UBR1: variants seen among roughly 807,000 people sequenced by gnomAD.
UBR1 encodes the protein ubiquitin protein ligase E3 component n-recognin 1, also known as E3 ubiquitin-protein ligase UBR1.
A neutral mutation model predicts 242.1 loss-of-function variants in UBR1; 102 were observed. That is an observed-to-expected ratio of 0.42 (90% CI 0.36 to 0.50). The LOEUF (loss-of-function observed/expected upper bound fraction) is 0.50, where lower values mean the gene tolerates loss of function less well. Among genes scored for constraint, UBR1 ranks in the 20% least tolerant of loss-of-function variants. The pLI is 0.01. For missense variants in UBR1, 1,772 were observed against 2,101.8 expected (o/e 0.84, Z 3.07); for synonymous variants, 675 against 684.8 (o/e 0.99, Z 0.22).
chr15:42,977,914 G>A lies in UBR1; in HGVS notation c.4184C>T (p.Pro1395Leu). 6.2e-7 allele frequency: 1 copy of A among 1,613,112 alleles called. No homozygotes were observed. Among genetic ancestry groups the A allele is most frequent in the Non-Finnish European group, 8.5e-7 (1 of 1,179,446 alleles). The change falls in exon 38 of 47, where the codon CCA (proline) becomes CTA (leucine). Residue 1395 changes from proline to leucine, a missense_variant. Pro to Leu is a moderately conservative substitution (Grantham distance 98). Coordinates refer to ENST00000290650, the MANE Select transcript of UBR1 (RefSeq NM_174916.3). ...AAACAGATCTATAGACAGAAGGCAT[G>A]GTGTATCTTCTGATTTTATGTTAGG... Reference protein sequence around the residue: ...VLPNIKSEDTPCLLSIDLFHV... With the variant: ...VLPNIKSEDTLCLLSIDLFHV...
rs901349263 is a variant in UBR1, at chr15:42,956,732, C to G, written c.4835+1281G>C. Among the ~76,000 whole-genome samples the G allele has an allele frequency of 3.5e-4, 54 of 152,216 alleles. 1 individual carries two copies. Among genetic ancestry groups the G allele is most frequent in the African/African-American group, 1.3e-3 (53 of 41,448 alleles). ...CATTTTGTGTAGTGGCTAGCATCCT[C>G]TATTCCCCAATGTCATGGCAGGTAG... On this transcript the variant is annotated intron_variant, in intron 44 of 46. Coordinates refer to ENST00000290650, the MANE Select transcript of UBR1 (RefSeq NM_174916.3).
intron 33 of UBR1, among the ~76,000 whole-genome samples, chr15:42,995,487 G>A (rs1171660070): frequency 2.0e-5 from 3 of 147,710 alleles, no homozygotes; most frequent in East Asian, 4.0e-4. Flanking sequence ...GTGAAACCCC[G>A]TCTCTACTAA....
chr15:42,987,191 A>T (rs1330591499), intron 35 of UBR1, among the ~76,000 whole-genome samples: 2 of 152,324 alleles, frequency 1.3e-5, no homozygotes, highest in Middle Eastern at 3.4e-3. Flanking sequence ...GGATCCCGGC[A>T]GGGGCAGAGC....
intron 16 of UBR1, 60 bp from the exon 17 acceptor site, chr15:43,037,943 T>C: frequency 6.8e-7 from 1 of 1,471,700 alleles, no homozygotes; most frequent in Non-Finnish European, 9.4e-7. Flanking sequence ...GTCTCCAAGT[T>C]ATGCCACTAC....
At chr15:42,957,967 GA>G in intron 44 of UBR1, 45 bp downstream of exon 44, 1 of 1,522,510 alleles carries the variant, frequency 6.6e-7, no homozygotes, top group Non-Finnish European at 9.1e-7. Context: ...TGCGAGTTCA[GA>G]AAATGATTTA....
Position 43,059,600 on chromosome 15 carries a change from AAAAAG to A in UBR1, c.985+97_985+101del, listed in dbSNP as rs1418668557. 1.4e-3 allele frequency: 1,964 copies of A among 1,408,322 alleles called. 25 individuals carry two copies. Among genetic ancestry groups the A allele is most frequent in the South Asian group, 3.9e-3 (281 of 72,058 alleles). 87.2% of individuals were successfully genotyped at this position (1,408,322 alleles called of 1,614,324 possible). A position where few individuals can be genotyped will look rare whatever the true frequency, so the allele number is the denominator to read the frequency against. ...AAAGTGTATAAACCAAAAAAAAAAAAAAAAGAAAAACTTTATTTCATACTCAATGA... is the reference window on the plus strand; with the variant it reads ...AAAGTGTATAAACCAAAAAAAAAAAAAAAAACTTTATTTCATACTCAATGA... On this transcript the variant is annotated intron_variant, in intron 8 of 46. Transcript: ENST00000290650.
At chr15:42,953,209 G>A (rs1357399815) in intron 44 of UBR1, among the ~76,000 whole-genome samples, 3 of 152,130 alleles carry the variant, frequency 2.0e-5, no homozygotes, top group East Asian at 1.9e-4. Context: ...TGCTGGAGGC[G>A]TGCTATAATG....
At chr15:42,952,992 C>T (rs529803902) in intron 44 of UBR1, among the ~76,000 whole-genome samples, 29 of 151,846 alleles carry the variant, frequency 1.9e-4, no homozygotes, top group African/African-American at 5.6e-4. Flanking sequence ...GGCATGATCT[C>T]GGCTCACTGC....
At chr15:43,043,504 T>A in intron 14 of UBR1, 109 bp from the exon 15 acceptor site, 1 of 1,003,956 alleles carries the variant, frequency 1.0e-6, no homozygotes, top group Non-Finnish European at 1.5e-6. Context: ...TACAGTGGCA[T>A]AATCACAGCT....
rs774062223 is a variant in UBR1 at position 43,007,237 on chromosome 15, C to T, written c.3257G>A (p.Arg1086Gln). 17 of 1,613,948 alleles carry T rather than the reference C, an allele frequency of 1.1e-5. No individual in the cohort carries two copies. The highest frequency in any genetic ancestry group is 3.3e-5 in the South Asian group (3 of 91,082). The change falls in exon 30 of 47, where the codon CGG (arginine) becomes CAG (glutamine). Residue 1086 changes from arginine (R) to glutamine (Q), a missense_variant. Transcript: ENST00000290650. ...DYSRIALGPK[R>Q]GPSVTEKEVL... ...CTCCTTTTCAGTAACAGATGGACCC[C>T]GTTTAGGACCCAAAGCAATTCTAGA...
chr15:42,971,768 C>T (rs1352839978), intron 39 of UBR1, among the ~76,000 whole-genome samples: 2 of 152,104 alleles, frequency 1.3e-5, no homozygotes, highest in Non-Finnish European at 2.9e-5. Context: ...ATTTTACATG[C>T]AATTAAGTGC....
chr15:43,097,144 A>C (rs2034171488), intron 1 of UBR1, among the ~76,000 whole-genome samples: 1 of 152,226 alleles, frequency 6.6e-6, no homozygotes, highest in African/African-American at 2.4e-5. Context: ...AGCAGGCATG[A>C]AAATAACATT....
At chr15:43,009,879 T>A (rs2032892050) in intron 29 of UBR1, among the ~76,000 whole-genome samples, 1 of 152,202 alleles carries the variant, frequency 6.6e-6, no homozygotes, top group African/African-American at 2.4e-5. Flanking sequence ...CTTTTTTGTT[T>A]TATTTTGTTT....
intron 12 of UBR1, among the ~76,000 whole-genome samples, chr15:43,051,396 G>C (rs1334109002): frequency 6.6e-6 from 1 of 152,142 alleles, no homozygotes; most frequent in East Asian, 1.9e-4. Flanking sequence ...ACATAGAGGG[G>C]AACAACACAC....
chr15:42,947,630 T>C (rs1292569690), intron 46 of UBR1, among the ~76,000 whole-genome samples: 16 of 152,300 alleles, frequency 1.1e-4, no homozygotes, highest in East Asian at 1.9e-4. Flanking sequence ...AGCATTCTTA[T>C]ACACCAATAA....
intron 45 of UBR1, among the ~76,000 whole-genome samples, chr15:42,950,747 T>C (rs1171039091): frequency 1.3e-5 from 2 of 152,186 alleles, no homozygotes; most frequent in African/African-American, 2.4e-5. Flanking sequence ...GAATCACATC[T>C]CCTAGTCTGA....
chr15:43,082,617 G>A (rs2033985958), intron 3 of UBR1, 21 bp downstream of exon 3: 1 of 1,603,192 alleles, frequency 6.2e-7, no homozygotes, highest in Admixed American at 1.7e-5. Context: ...TTATTCAGAG[G>A]TTATGGTTAT....
chr15:43,069,610 T>G (rs2033799084), intron 5 of UBR1, among the ~76,000 whole-genome samples: 1 of 152,204 alleles, frequency 6.6e-6, no homozygotes, highest in South Asian at 2.1e-4. Flanking sequence ...TAATATACTT[T>G]TACAATACGC....
At chr15:43,026,291 C>T (rs1294825236) in intron 23 of UBR1, 1 of 337,096 alleles carries the variant, frequency 3.0e-6, no homozygotes, top group Non-Finnish European at 5.4e-6. Flanking sequence ...ACATGACAAT[C>T]AAATGAGTGT....
Sources: allele counts gnomAD v4.1 joint callset (sites outside exome capture counted in the v4.1 genomes callset), GRCh38; gene constraint gnomAD v4.1.1; transcripts MANE v1.5; gene names NCBI Gene and HGNC (gene_info 2026-07-23, HGNC 2026-07-21).